Variants in NAV1 observed in about 807,000 individuals in gnomAD.
NAV1 encodes the protein pore membrane and/or filament interacting like protein 3.
Under a neutral mutation model 175.2 loss-of-function variants are expected in NAV1, and 18 were observed. The observed-to-expected ratio is 0.10, with a 90% CI of 0.07 to 0.15. NAV1 has a LOEUF of 0.15. NAV1 is among the 10% of genes least tolerant of loss of function. The pLI is 1.00. For synonymous variants in NAV1, 897 were observed against 978.7 expected (o/e 0.92, Z 1.56); for missense variants, 1,731 against 2,436.6 (o/e 0.71, Z 6.10).
intron 1 of NAV1, among the ~76,000 whole-genome samples, chr1:201,585,207 A>G (rs1666989203): frequency 6.6e-6 from 1 of 152,226 alleles, no homozygotes; most frequent in Non-Finnish European, 1.5e-5. Flanking sequence ...GTGATGACTC[A>G]TCTTCTGCTG....
chr1:201,621,382 G>GGAGT (rs1241491476), upstream of NAV1, among the ~76,000 whole-genome samples: 57 of 130,206 alleles, frequency 4.4e-4, no homozygotes, highest in African/African-American at 1.7e-3. Context: ...CACCCAGGCT[G>GGAGT]GAGTGCAGTG....
rs1248596774 is a variant in NAV1 at position 201,808,897 on chromosome 1, A to G, written c.4207+26A>G. On this transcript the variant is annotated intron_variant, in intron 20 of 29. Transcript: ENST00000367296. The surrounding 1 kb of genome is among the most constrained non-coding windows in gnomAD (Gnocchi z 5.5). ...GTACCTGTGTGGGAGAAGAATCTAT[A>G]AGGGTGAAGGGAAGAAAAGGGCTTA... 3 of 1,595,052 alleles carry G rather than the reference A, an allele frequency of 1.9e-6. No individual in the cohort carries two copies. Among genetic ancestry groups the G allele is most frequent in the Non-Finnish European group, 2.6e-6 (3 of 1,169,716 alleles).
chr1:201,580,004 C>A (rs767178610), intron 1 of NAV1, among the ~76,000 whole-genome samples: 1 of 152,172 alleles, frequency 6.6e-6, no homozygotes, highest in African/African-American at 2.4e-5. Context: ...GCCTGAGAAA[C>A]TGGGGGGAAG....
intron 2 of NAV1, among the ~76,000 whole-genome samples, chr1:201,642,561 C>CTTT (rs1223515987): frequency 0.015 from 1,370 of 92,296 alleles, 33 homozygotes; most frequent in Non-Finnish European, 0.021. Flanking sequence ...TTCTTTTTTC[C>CTTT]CTTTCTTCCC....
At position 201,573,845 on chromosome 1, in the gene NAV1, A is replaced by G. The variant is rs568868571; in HGVS notation, c.-143-14694A>G. Among the ~76,000 whole-genome samples, 136 of 152,304 alleles carry G rather than the reference A, an allele frequency of 8.9e-4. 1 individual carries two copies. The highest frequency in any genetic ancestry group is 1.6e-3 in the Non-Finnish European group (111 of 68,018). On this transcript the variant is annotated intron_variant, in intron 1 of 33. Coordinates refer to the NAV1 transcript ENST00000685211. ...CAGCGGGTGCCTGGACCCCAAGTTA[A>G]GAATGCCTAGTCCCAACCTGGGCAA...
intron 2 of NAV1, among the ~76,000 whole-genome samples, chr1:201,596,745 A>G (rs1667356692): frequency 6.6e-6 from 1 of 152,166 alleles, no homozygotes; most frequent in African/African-American, 2.4e-5. Context: ...CCCTGCCCCA[A>G]CAGAGTTTCC....
chr1:201,821,635 G>A (rs765726625), exon 30 of NAV1: 1 of 152,082 alleles, frequency 6.6e-6, no homozygotes, highest in Non-Finnish European at 1.5e-5. Context: ...AGACCTTCGG[G>A]ATCATCTAAG....
chr1:201,606,539 CA>C (rs1434017542), intron 2 of NAV1, among the ~76,000 whole-genome samples: 1 of 152,234 alleles, frequency 6.6e-6, no homozygotes, highest in Non-Finnish European at 1.5e-5. Context: ...TTTGCGTCTC[CA>C]AACTCCAAAC....
rs1219543237 is a variant in NAV1 at position 201,804,373 on chromosome 1, C to A, written c.3640-116C>A. The A allele has an allele frequency of 1.6e-5, 17 of 1,072,872 alleles. No individual in the cohort carries two copies. In the Admixed American group the frequency reaches 3.4e-4, roughly 22 times the overall value. 66.5% of individuals were successfully genotyped at this position (1,072,872 alleles called of 1,614,324 possible). A position where few individuals can be genotyped will look rare whatever the true frequency, so the allele number is the denominator to read the frequency against. ...TCTGTCCCCTGTTCAGTAAGACACA[C>A]CCCCAGACCTTTGTATAATGCAGAC... is the stretch of plus-strand genomic sequence containing the variant. On this transcript the variant is annotated intron_variant, in intron 16 of 29. Coordinates refer to ENST00000367296, the Ensembl canonical transcript of NAV1.
At chr1:201,583,037 G>A (rs567140190) in intron 1 of NAV1, among the ~76,000 whole-genome samples, 1 of 152,398 alleles carries the variant, frequency 6.6e-6, no homozygotes, top group African/African-American at 2.4e-5. Context: ...CGCTGCCATA[G>A]CCCTGAGGGC....
chr1:201,618,050 CA>C (rs3830712), upstream of NAV1, among the ~76,000 whole-genome samples: 47,741 of 151,914 alleles, frequency 0.31, 10,100 homozygotes, highest in African/African-American at 0.6. Context: ...AAGACCTGTG[CA>C]AGAGGCCTTA....
intron 1 of NAV1, among the ~76,000 whole-genome samples, chr1:201,576,635 T>G (rs957346885): frequency 2.0e-5 from 3 of 152,196 alleles, no homozygotes; most frequent in Admixed American, 6.5e-5. Flanking sequence ...TGAACATAAC[T>G]CTTCATTTCT....
chr1:201,719,806 G>T lies in NAV1; in HGVS notation c.1226+1051G>T, dbSNP rs991594971. On this transcript the variant is annotated intron_variant, in intron 3 of 29. Transcript: ENST00000367296. Reference sequence around the variant, plus strand: ...CTTCTCAGGGACTTAATATCTTACTGCCAGGGCCTGCCTCTCCCCAATAAA... The same window carrying T: ...CTTCTCAGGGACTTAATATCTTACTTCCAGGGCCTGCCTCTCCCCAATAAA... Among the ~76,000 whole-genome samples the T allele has an allele frequency of 5.9e-5, 9 of 152,166 alleles. No homozygotes were observed. In the South Asian group the frequency reaches 1.9e-3, roughly 32 times the overall value.
intron 2 of NAV1, among the ~76,000 whole-genome samples, chr1:201,613,777 G>C (rs1286762372): frequency 6.6e-6 from 1 of 152,104 alleles, no homozygotes; most frequent in Non-Finnish European, 1.5e-5. Context: ...CAAGAGACTC[G>C]CTTGAACCTG....
exon 30 of NAV1, chr1:201,823,178 T>C (rs10464): frequency 0.24 from 36,094 of 152,566 alleles, 4,474 homozygotes; most frequent in Non-Finnish European, 0.28. Flanking sequence ...TGACATGAAT[T>C]CAATATCTAA....
chr1:201,725,793 C>CA (rs998845183), intron 3 of NAV1, among the ~76,000 whole-genome samples: 14 of 151,544 alleles, frequency 9.2e-5, no homozygotes, highest in African/African-American at 3.1e-4. Context: ...ACTGTTTCTA[C>CA]AAAAAAAATT....
rs1446708009 is a variant in NAV1, at chr1:201,740,508, T to A, written c.1226+21753T>A. Among the ~76,000 whole-genome samples, 2 of 151,992 alleles carry A rather than the reference T, an allele frequency of 1.3e-5. No individual in the cohort carries two copies. The highest frequency in any genetic ancestry group is 2.4e-5 in the African/African-American group (1 of 41,368). On this transcript the variant is annotated intron_variant, in intron 3 of 29. Transcript: ENST00000367296. This position sits in a 1 kb window ranked among gnomAD's most constrained non-coding sequence, Gnocchi z 4.7. Reference sequence around the variant, plus strand: ...CAGGCGGGTGGAAGGAGGAGGGGCTTGCAGCCCCAGGTCGGCCCTGCCAAG... The same window carrying A: ...CAGGCGGGTGGAAGGAGGAGGGGCTAGCAGCCCCAGGTCGGCCCTGCCAAG...
At chr1:201,806,155 T>C (rs1238742422) in intron 17 of NAV1, among the ~76,000 whole-genome samples, 1 of 151,952 alleles carries the variant, frequency 6.6e-6, no homozygotes, top group African/African-American at 2.4e-5. Flanking sequence ...CAACTAATTT[T>C]TGTATTTTTA....
intron 1 of NAV1, among the ~76,000 whole-genome samples, chr1:201,546,042 A>C (rs546787529): frequency 4.7e-4 from 72 of 152,338 alleles, no homozygotes; most frequent in Non-Finnish European, 5.6e-4. Flanking sequence ...CAAGATACCA[A>C]CTGCTCTCTT....
Sources: gnomAD v4.1 joint callset for allele counts (sites outside exome capture counted in the v4.1 genomes callset) on GRCh38, gnomAD v4.1.1 for gene constraint, Gnocchi (gnomAD v3.1) non-coding constraint, MANE v1.5 for transcripts, NCBI Gene and HGNC (gene_info 2026-07-23, HGNC 2026-07-21) for gene names.